Variants in RDX observed in about 807,000 individuals in gnomAD.
The protein encoded by RDX is radixin.
In RDX, 32 loss-of-function variants were observed where a neutral mutation model predicts 83.7. That is an observed-to-expected ratio of 0.38 (90% CI 0.29 to 0.51). The LOEUF (loss-of-function observed/expected upper bound fraction) is 0.51, where lower values mean the gene tolerates loss of function less well. RDX is among the 20% of genes least tolerant of loss of function. The pLI is 0.87. For synonymous variants in RDX, 229 were observed against 222.7 expected (o/e 1.03, Z -0.25); for missense variants, 600 against 689.9 (o/e 0.87, Z 1.46).
chr11:110,269,614 G>A (rs1218980135), intron 3 of RDX, among the ~76,000 whole-genome samples: 1 of 152,146 alleles, frequency 6.6e-6, no homozygotes, highest in Non-Finnish European at 1.5e-5. Context: ...AGTAAAGTCT[G>A]CATTTTTCGA....
At chr11:110,245,939 T>C (rs868353341) in intron 10 of RDX, among the ~76,000 whole-genome samples, 13 of 152,214 alleles carry the variant, frequency 8.5e-5, no homozygotes, top group African/African-American at 2.9e-4. Flanking sequence ...TCTGGTGCTA[T>C]ATATATAGAT....
At chr11:110,295,732 C>T (rs1861427740) in intron 1 of RDX, among the ~76,000 whole-genome samples, 1 of 151,744 alleles carries the variant, frequency 6.6e-6, no homozygotes. Flanking sequence ...AGAGGGATAT[C>T]ATGTACTGAA....
At chr11:110,178,553 A>G (rs942064159) in intron 15 of RDX, among the ~76,000 whole-genome samples, 1 of 152,230 alleles carries the variant, frequency 6.6e-6, no homozygotes, top group Non-Finnish European at 1.5e-5. Flanking sequence ...ACCAATGATC[A>G]TGCTGTGGGA....
chr11:110,285,865 C>T (rs1214665739), intron 1 of RDX, among the ~76,000 whole-genome samples: 2 of 151,664 alleles, frequency 1.3e-5, no homozygotes, highest in Non-Finnish European at 2.9e-5. Context: ...CCTGGGGTTC[C>T]ATCTCTAACT....
chr11:110,176,332 G>C (rs1862773871), intron 15 of RDX, among the ~76,000 whole-genome samples: 1 of 152,140 alleles, frequency 6.6e-6, no homozygotes, highest in South Asian at 2.1e-4. Flanking sequence ...CTAAGGTACT[G>C]GGATTACAGG....
chr11:110,254,731 C>A (rs1411027154), intron 8 of RDX, among the ~76,000 whole-genome samples: 1 of 152,120 alleles, frequency 6.6e-6, no homozygotes, highest in Non-Finnish European at 1.5e-5. Flanking sequence ...TCCTCTCGAG[C>A]CTCCCAAAGT....
chr11:110,282,237 A>G (rs909358626), intron 1 of RDX, among the ~76,000 whole-genome samples: 1 of 152,234 alleles, frequency 6.6e-6, no homozygotes, highest in Non-Finnish European at 1.5e-5. Context: ...TTTTTGAATC[A>G]TAATAGTTGT....
intron 15 of RDX, among the ~76,000 whole-genome samples, chr11:110,198,649 GA>G (rs1863287173): frequency 2.6e-5 from 4 of 152,102 alleles, no homozygotes; most frequent in Non-Finnish European, 5.9e-5. Context: ...CTCATGATTT[GA>G]GGTGGAACAG....
intron 2 of RDX, among the ~76,000 whole-genome samples, chr11:110,276,489 T>C (rs1860523867): frequency 6.6e-6 from 1 of 152,198 alleles, no homozygotes; most frequent in African/African-American, 2.4e-5. Context: ...TTGCTCTTGG[T>C]TCCATATAAA....
intron 10 of RDX, among the ~76,000 whole-genome samples, chr11:110,247,028 T>G (rs191758179): frequency 6.6e-6 from 1 of 152,204 alleles, no homozygotes; most frequent in Admixed American, 6.5e-5. Context: ...TGCAATACTT[T>G]TTTTTTCTTG....
intron 15 of RDX, among the ~76,000 whole-genome samples, chr11:110,189,442 C>A (rs1352637667): frequency 6.6e-6 from 1 of 151,972 alleles, no homozygotes; most frequent in African/African-American, 2.4e-5. Flanking sequence ...CAACCAACGG[C>A]ATTAGATCAT....
At position 110,264,098 on chromosome 11, in the gene RDX, A is replaced by G. The variant is rs1859922214; in HGVS notation, c.329T>C (p.Ile110Thr). 6.2e-7 allele frequency: 1 copy of G among 1,613,874 alleles called. No homozygotes were observed. The highest frequency in any genetic ancestry group is 8.5e-7 in the Non-Finnish European group (1 of 1,179,920). ...RLFFLQVKEAILNDEIYCPPE... is the reference protein window; with the variant it reads ...RLFFLQVKEATLNDEIYCPPE... ...CGGGCAATATATCTCATCATTTAAG[A>G]TGGCTTCTTTAACTTGCAAGAAGAA... Residue 110 changes from isoleucine (I) to threonine (T), a missense_variant, in exon 5 of 14, where the codon ATC becomes ACC. By Grantham distance (89) the Ile-to-Thr change is moderately conservative. Coordinates refer to ENST00000645495, the MANE Select transcript of RDX (RefSeq NM_002906.4).
chr11:110,249,239 G>T (rs1433888616), intron 9 of RDX, among the ~76,000 whole-genome samples: 1 of 152,132 alleles, frequency 6.6e-6, no homozygotes. Flanking sequence ...AAATTTATCT[G>T]AGTATGCTTT....
rs11827003 is a variant in RDX, at chr11:110,220,653, C to T, written c.1748+11220G>A. Among the ~76,000 whole-genome samples the T allele has an allele frequency of 2.1e-3, 327 of 152,248 alleles. 1 individual carries two copies. The highest frequency in any genetic ancestry group is 7.4e-3 in the African/African-American group (307 of 41,554). On this transcript the variant is annotated intron_variant, in intron 14 of 15. Transcript: ENST00000528498. ...AGCTGGGATTATAAGCAGCTGCCACCACATTTGGCTAATTTTTGTATTTTT... is the reference window on the plus strand; with the variant it reads ...AGCTGGGATTATAAGCAGCTGCCACTACATTTGGCTAATTTTTGTATTTTT...
At chr11:110,241,048 T>A (rs1207165466) in intron 10 of RDX, among the ~76,000 whole-genome samples, 2 of 96,430 alleles carry the variant, frequency 2.1e-5, no homozygotes, top group Admixed American at 1.3e-4. Flanking sequence ...AGAGTGAGAC[T>A]CTGTCTCCAA....
chr11:110,295,282 G>A (rs1565341511), intron 1 of RDX, among the ~76,000 whole-genome samples: 1 of 134,124 alleles, frequency 7.5e-6, no homozygotes, highest in Admixed American at 8.2e-5. Context: ...AGCTCCATCA[G>A]TCATATAAAA....
At chr11:110,280,319 C>T (rs578156365) in intron 1 of RDX, among the ~76,000 whole-genome samples, 5 of 152,160 alleles carry the variant, frequency 3.3e-5, no homozygotes, top group South Asian at 2.1e-4. Flanking sequence ...CCACAGCTCA[C>T]TGCAGCCTAA....
chr11:110,179,738 C>G (rs1368577216), intron 15 of RDX: 1 of 282,050 alleles, frequency 3.5e-6, no homozygotes, highest in African/African-American at 2.2e-5. Flanking sequence ...TACCACTGTA[C>G]TCCAGCCTGG....
chr11:110,281,887 G>A (rs923393048), intron 1 of RDX, among the ~76,000 whole-genome samples: 2 of 145,396 alleles, frequency 1.4e-5, no homozygotes, highest in African/African-American at 5.1e-5. Context: ...GATCACTTGA[G>A]CCCAGGAGTT....
Sources: gnomAD v4.1 joint callset for allele counts (sites outside exome capture counted in the v4.1 genomes callset) on GRCh38, gnomAD v4.1.1 for gene constraint, MANE v1.5 for transcripts, NCBI Gene and HGNC (gene_info 2026-07-23, HGNC 2026-07-21) for gene names.